ARHGAP35: variants seen among roughly 807,000 people sequenced by gnomAD.
ARHGAP35 encodes Rho GTPase activating protein 35, also known as rho GTPase-activating protein 35.
Under a neutral mutation model 111.1 loss-of-function variants are expected in ARHGAP35, and 15 were observed. The ratio of observed to expected loss-of-function variants is 0.13; its 90% CI spans 0.09 to 0.21. The LOEUF (loss-of-function observed/expected upper bound fraction) is 0.21. Among genes scored for constraint, ARHGAP35 ranks in the 10% least tolerant of loss-of-function variants. ARHGAP35 has a pLI of 1.00. For missense variants in ARHGAP35, 1,262 were observed against 1,873.0 expected (o/e 0.67, Z 6.02); for synonymous variants, 643 against 710.3 (o/e 0.91, Z 1.51).
intron 2 of ARHGAP35, among the ~76,000 whole-genome samples, chr19:46,928,793 G>C (rs976298565): frequency 5.9e-5 from 9 of 152,104 alleles, no homozygotes; most frequent in African/African-American, 2.2e-4. Flanking sequence ...TTAGCCAGGT[G>C]TGGTGGTGGA....
At chr19:46,905,783 C>T (rs1411817605) in intron 1 of ARHGAP35, among the ~76,000 whole-genome samples, 1 of 151,988 alleles carries the variant, frequency 6.6e-6, no homozygotes, top group Non-Finnish European at 1.5e-5. Context: ...AACCCCTAAC[C>T]TCACATGATC....
chr19:46,923,955 A>G (rs1334634583), intron 2 of ARHGAP35, among the ~76,000 whole-genome samples: 1 of 151,794 alleles, frequency 6.6e-6, no homozygotes, highest in Non-Finnish European at 1.5e-5. Flanking sequence ...AAAAATGTGT[A>G]TATATATAAA....
chr19:46,865,799 G>A (rs1340125697), intron 1 of ARHGAP35, among the ~76,000 whole-genome samples: 2 of 152,158 alleles, frequency 1.3e-5, no homozygotes, highest in African/African-American at 2.4e-5. Context: ...GACTTTTGTC[G>A]GTCACCACCT....
chr19:46,924,175 CTT>C (rs2056225114), intron 2 of ARHGAP35, among the ~76,000 whole-genome samples: 1 of 152,170 alleles, frequency 6.6e-6, no homozygotes, highest in African/African-American at 2.4e-5. Context: ...TTGCCAGAAA[CTT>C]TTATTATTAC....
Position 46,999,248 on chromosome 19 carries a change from G to T in ARHGAP35, c.4037-56G>T. On this transcript the variant is annotated intron_variant, in intron 5 of 6. Transcript: ENST00000672722. This position sits in a 1 kb window ranked among gnomAD's most constrained non-coding sequence, Gnocchi z 5.4. Reference sequence around the variant, plus strand: ...AAGGCCCATCACAGAGCACGCCCTGGGGTGGCCACCAGCCTCGGCCATGAA... The same window carrying T: ...AAGGCCCATCACAGAGCACGCCCTGTGGTGGCCACCAGCCTCGGCCATGAA... 1 of 1,243,156 alleles carries T rather than the reference G, an allele frequency of 8.0e-7. No homozygotes were observed. The highest frequency in any genetic ancestry group is 1.2e-6 in the Non-Finnish European group (1 of 866,984). The allele number at this position is 1,243,156 out of a possible 1,614,324, so 77.0% of individuals were successfully genotyped here. A position where few individuals can be genotyped will look rare whatever the true frequency, so the allele number is the denominator to read the frequency against.
intron 1 of ARHGAP35, among the ~76,000 whole-genome samples, chr19:46,876,408 C>G (rs2055921757): frequency 6.6e-6 from 1 of 151,664 alleles, no homozygotes; most frequent in Admixed American, 6.6e-5. Context: ...GAGTCTCACT[C>G]TGTTGCCCAG....
At chr19:46,943,108 G>A (rs754548605) in intron 3 of ARHGAP35, among the ~76,000 whole-genome samples, 5 of 151,426 alleles carry the variant, frequency 3.3e-5, no homozygotes, top group Non-Finnish European at 5.9e-5. Context: ...TGGTGCAGTC[G>A]TAGCTCACGG....
chr19:46,988,013 G>A lies in ARHGAP35; in HGVS notation c.3851G>A (p.Arg1284Gln). Residue 1284 changes from arginine to glutamine, a missense_variant, in exon 4 of 7, where the codon CGG becomes CAG. By Grantham distance (43) the Arg-to-Gln change is conservative. This residue lies in a region of ARHGAP35 where 45 missense variants were observed against 118.2 expected (regional missense o/e 0.38). Transcript: ENST00000672722. This position sits in a 1 kb window ranked among gnomAD's most constrained non-coding sequence, Gnocchi z 5.4. ...GGACTGAGCACGGAAGGCATCTACC[G>A]GGTCAGCGGGAACAAGTCTGAGATG... is the stretch of plus-strand genomic sequence containing the variant. Reference protein sequence around the residue: ...ATGLSTEGIYRVSGNKSEMES... With the variant: ...ATGLSTEGIYQVSGNKSEMES... The A allele has an allele frequency of 1.9e-6, 3 of 1,613,882 alleles. No individual in the cohort carries two copies. The highest frequency in any genetic ancestry group is 2.5e-6 in the Non-Finnish European group (3 of 1,179,844).
At chr19:46,975,363 G>A (rs978249054) in intron 3 of ARHGAP35, among the ~76,000 whole-genome samples, 1 of 152,134 alleles carries the variant, frequency 6.6e-6, no homozygotes, top group African/African-American at 2.4e-5. Context: ...TTCTGAGGGT[G>A]CGCAGGAGAG....
Position 46,920,420 on chromosome 19 carries a change from C to G in ARHGAP35, c.1745C>G (p.Ser582Cys). The change falls in exon 2 of 7, where the codon TCT (serine) becomes TGT (cysteine). Residue 582 changes from serine (S) to cysteine (C), a missense_variant. By Grantham distance (112) the Ser-to-Cys change is moderately radical. Around this residue, in one of 8 missense-constraint regions of ARHGAP35, gnomAD observed 328 missense variants for 440.8 expected, o/e 0.74. Transcript: ENST00000672722. The surrounding 1 kb of genome is among the most constrained non-coding windows in gnomAD (Gnocchi z 7.0). ...ATTAGTTCTCGGTTTATCCGGCCGT[C>G]TGACCGGAATCAGAAAAATTCACTC... is the stretch of plus-strand genomic sequence containing the variant. ...HLISSRFIRPSDRNQKNSLSD... is the reference protein window; with the variant it reads ...HLISSRFIRPCDRNQKNSLSD... The G allele has an allele frequency of 6.2e-7, 1 of 1,613,828 alleles. No homozygotes were observed.
chr19:46,932,726 GA>G (rs1272851399), intron 2 of ARHGAP35, among the ~76,000 whole-genome samples: 1 of 152,196 alleles, frequency 6.6e-6, no homozygotes, highest in Non-Finnish European at 1.5e-5. Flanking sequence ...GAGGTATTCT[GA>G]AATTCTGTAA....
In ARHGAP35 at chr19:46,988,187, G is replaced by A. The variant is rs928631140; in HGVS notation, c.3904+121G>A. On this transcript the variant is annotated intron_variant, in intron 4 of 6. Transcript: ENST00000672722. The surrounding 1 kb of genome is among the most constrained non-coding windows in gnomAD (Gnocchi z 5.4). ...GCCAGCACAGACCCAAAGCCACGAGGTGCTGAGACTGAGAAAGAGACCATG... is the reference window on the plus strand; with the variant it reads ...GCCAGCACAGACCCAAAGCCACGAGATGCTGAGACTGAGAAAGAGACCATG... The A allele has an allele frequency of 3.3e-6, 3 of 908,054 alleles. No individual in the cohort carries two copies. The highest frequency in any genetic ancestry group is 1.6e-5 in the African/African-American group (1 of 60,718). The allele number at this position is 908,054 out of a possible 1,614,324, so 56.2% of individuals were successfully genotyped here.
rs1001619535 is a variant in ARHGAP35 at position 46,986,422 on chromosome 19, A to T, written c.3827-1567A>T. ...ACACTATACACCAAATAAGTTCCAG[A>T]ATGATCACAGAATGAAATGATTTTT... On this transcript the variant is annotated intron_variant, in intron 3 of 6. Coordinates refer to ENST00000672722, the MANE Select transcript of ARHGAP35 (RefSeq NM_004491.5). The surrounding 1 kb of genome is among the most constrained non-coding windows in gnomAD (Gnocchi z 4.3). 6.6e-6 allele frequency among the ~76,000 whole-genome samples: 1 copy of T among 152,196 alleles called. No homozygotes were observed. The highest frequency in any genetic ancestry group is 1.5e-5 in the Non-Finnish European group (1 of 68,036).
chr19:46,984,954 G>A (rs1456580116), intron 3 of ARHGAP35, among the ~76,000 whole-genome samples: 1 of 152,208 alleles, frequency 6.6e-6, no homozygotes, highest in Non-Finnish European at 1.5e-5. Flanking sequence ...CAGGTCTTCT[G>A]CAGCTCGGAG....
chr19:47,000,705 G>A lies in ARHGAP35; in HGVS notation c.*17G>A, dbSNP rs2056743018. 6.4e-7 allele frequency: 1 copy of A among 1,552,520 alleles called. No individual in the cohort carries two copies. Among genetic ancestry groups the A allele is most frequent in the South Asian group, 1.2e-5 (1 of 81,668 alleles). Reference sequence around the variant, plus strand: ...ACGCTGTGAGCCACCAAGACCTGGGGCGACAGGAGAACCGGTCCTCTCTCT... The same window carrying A: ...ACGCTGTGAGCCACCAAGACCTGGGACGACAGGAGAACCGGTCCTCTCTCT... On this transcript the variant is annotated 3_prime_UTR_variant, in exon 7 of 7. Transcript: ENST00000672722. The surrounding 1 kb of genome is among the most constrained non-coding windows in gnomAD (Gnocchi z 6.9).
At position 46,945,558 on chromosome 19, in the gene ARHGAP35, C is replaced by T. The variant is rs1038076884; in HGVS notation, c.3826+8150C>T. 6.6e-6 allele frequency among the ~76,000 whole-genome samples: 1 copy of T among 151,942 alleles called. No individual in the cohort carries two copies. Reference sequence around the variant, plus strand: ...GTCTCAGGGCCAAATTTGAGTCAAGCCTTCCTAGGATTCAAGAAATCTGAC... The same window carrying T: ...GTCTCAGGGCCAAATTTGAGTCAAGTCTTCCTAGGATTCAAGAAATCTGAC... On this transcript the variant is annotated intron_variant, in intron 3 of 6. Coordinates refer to ENST00000672722, the MANE Select transcript of ARHGAP35 (RefSeq NM_004491.5). This position sits in a 1 kb window ranked among gnomAD's most constrained non-coding sequence, Gnocchi z 4.1.
In ARHGAP35 at chr19:46,921,441, C is replaced by G. The variant is rs1198276299; in HGVS notation, c.2766C>G (p.Ile922Met). 6.2e-7 allele frequency: 1 copy of G among 1,613,876 alleles called. No homozygotes were observed. Among genetic ancestry groups the G allele is most frequent in the Admixed American group, 1.7e-5 (1 of 60,006 alleles). Residue 922 changes from isoleucine to methionine, a missense_variant, in exon 2 of 7, where the codon ATC becomes ATG. Coordinates refer to ENST00000672722, the MANE Select transcript of ARHGAP35 (RefSeq NM_004491.5). This position sits in a 1 kb window ranked among gnomAD's most constrained non-coding sequence, Gnocchi z 4.3. Reference protein sequence around the residue: ...AQEIDGRFTSIPCSQPQHKLE... With the variant: ...AQEIDGRFTSMPCSQPQHKLE... Reference sequence around the variant, plus strand: ...AAATTGACGGAAGGTTCACAAGCATCCCCTGTAGCCAACCCCAGCATAAAC... The same window carrying G: ...AAATTGACGGAAGGTTCACAAGCATGCCCTGTAGCCAACCCCAGCATAAAC...
intron 1 of ARHGAP35, among the ~76,000 whole-genome samples, chr19:46,882,506 T>C (rs971718707): frequency 2.6e-5 from 4 of 152,192 alleles, no homozygotes; most frequent in Admixed American, 6.5e-5. Flanking sequence ...CATTTTACTT[T>C]AAGTTCTGGG....
At chr19:46,956,161 T>TA (rs921885749) in intron 3 of ARHGAP35, among the ~76,000 whole-genome samples, 46 of 152,178 alleles carry the variant, frequency 3.0e-4, no homozygotes, top group African/African-American at 1.1e-3. Context: ...CTACTAAAAA[T>TA]ACAAAAATTA....
Sources: allele counts gnomAD v4.1 joint callset (sites outside exome capture counted in the v4.1 genomes callset), GRCh38; gene constraint gnomAD v4.1.1; regional missense constraint gnomAD v4.1.1; non-coding constraint Gnocchi (gnomAD v3.1); transcripts MANE v1.5; gene names NCBI Gene and HGNC (gene_info 2026-07-23, HGNC 2026-07-21).